Variants in FBXL15 observed in about 807,000 individuals in gnomAD.
FBXL15 encodes the protein F-box/LRR-repeat protein 15.
FBXL15 carries 19 observed loss-of-function variants against 23.6 expected under a neutral mutation model. The ratio of observed to expected loss-of-function variants is 0.81; its 90% confidence interval spans 0.56 to 1.18. FBXL15 has a LOEUF of 1.18. Among genes scored for constraint, FBXL15 ranks in the 50% most tolerant of loss-of-function variants. The pLI is 0.00. For synonymous variants in FBXL15, 224 were observed against 207.7 expected, an observed-to-expected ratio of 1.08 and a Z score of -0.67; for missense variants, 385 against 425.4, an observed-to-expected ratio of 0.91 and a Z score of 0.83.
Position 102,421,363 on chromosome 10 carries a change from C to A in FBXL15, c.63C>A (p.Asp21Glu). The change falls in exon 2 of 4, where the codon GAC (aspartate) becomes GAA (glutamate). Residue 21 changes from aspartate to glutamate, a missense_variant. This residue lies in a region of FBXL15 where 130 missense variants were observed against 95.1 expected (regional missense o/e 1.37). Transcript: ENST00000369956. ...EQEPGAVRFL[D>E]LPWEDVLLPH... Reference sequence around the variant, plus strand: ...GCCCCTTTACTCGCAGGTTCCTGGACCTGCCCTGGGAAGACGTGCTGCTCC... The same window carrying A: ...GCCCCTTTACTCGCAGGTTCCTGGAACTGCCCTGGGAAGACGTGCTGCTCC... The A allele has an allele frequency of 6.4e-7, 1 of 1,558,554 alleles. No individual in the cohort carries two copies. Among genetic ancestry groups the A allele is most frequent in the Non-Finnish European group, 8.7e-7 (1 of 1,152,438 alleles).
At chr10:102,422,366 A>T (rs1455484046) in intron 3 of FBXL15, 74 bp downstream of exon 3, 1 of 1,410,136 alleles carries the variant, frequency 7.1e-7, no homozygotes, top group Non-Finnish European at 9.2e-7. Context: ...TGTAGTTGTT[A>T]AAAGGCCGGA....
chr10:102,421,935 T>C lies in FBXL15; in HGVS notation c.356T>C (p.Val119Ala). 6.2e-7 allele frequency: 1 copy of C among 1,604,264 alleles called. No homozygotes were observed. Among genetic ancestry groups the C allele is most frequent in the Non-Finnish European group, 8.5e-7 (1 of 1,179,060 alleles). Residue 119 changes from valine to alanine, a missense_variant, in exon 3 of 4, where the codon GTG becomes GCG. Val to Ala is a moderately conservative substitution (Grantham distance 64). Transcript: ENST00000369956. ...GCGCGGAATCCGCAGCTGCGGAGTGTGGCGTTGGGCGGCTGCGGGCAACTG... is the reference window on the plus strand; with the variant it reads ...GCGCGGAATCCGCAGCTGCGGAGTGCGGCGTTGGGCGGCTGCGGGCAACTG... Reference protein sequence around the residue: ...VLARNPQLRSVALGGCGQLSR... With the variant: ...VLARNPQLRSAALGGCGQLSR...
In FBXL15 at chr10:102,421,779, G is replaced by T. The variant is rs944845825; in HGVS notation, c.208-8G>T. On this transcript the variant is annotated splice_region_variant and splice_polypyrimidine_tract_variant and intron_variant, in intron 2 of 3. Coordinates refer to ENST00000369956, the MANE Select transcript of FBXL15 (RefSeq NM_024326.4). The stretch of plus-strand genomic sequence containing the variant: ...GGGCTGAGAGTTGGGGTGCCTCCCC[G>T]CCCGCAGGTGGGTCCGCAGATCCCG... The T allele has an allele frequency of 1.9e-6, 3 of 1,541,272 alleles. No homozygotes were observed. Among genetic ancestry groups the T allele is most frequent in the Non-Finnish European group, 2.6e-6 (3 of 1,149,120 alleles).
Position 102,422,262 on chromosome 10 carries a change from G to A in FBXL15, c.683G>A (p.Gly228Asp). Residue 228 changes from glycine (G) to aspartate (D), a missense_variant, in exon 3 of 4, where the codon GGC (glycine) becomes GAC (aspartate). Gly to Asp is a moderately conservative substitution (Grantham distance 94). Around this residue, in one of 2 missense-constraint regions of FBXL15, gnomAD observed 255 missense variants for 330.2 expected, o/e 0.77. Transcript: ENST00000369956. Reference protein sequence around the residue: ...CPELHHLDLTGCLRVGSDGVR... With the variant: ...CPELHHLDLTDCLRVGSDGVR... The stretch of plus-strand genomic sequence containing the variant: ...GAACTCCACCACCTTGACCTCACCG[G>A]CTGCCTCCGCGTCGGAAGCGACGGT... 1.3e-6 allele frequency: 2 copies of A among 1,494,132 alleles called. No individual in the cohort carries two copies. The highest frequency in any genetic ancestry group is 1.8e-6 in the Non-Finnish European group (2 of 1,122,624). 92.6% of individuals were successfully genotyped at this position (1,494,132 alleles called of 1,614,324 possible). A position where few individuals can be genotyped will look rare whatever the true frequency, so the allele number is the denominator to read the frequency against.
chr10:102,422,198 G>A lies in FBXL15; in HGVS notation c.619G>A (p.Gly207Arg). 2.0e-6 allele frequency: 3 copies of A among 1,534,986 alleles called. No homozygotes were observed. Among genetic ancestry groups the A allele is most frequent in the Non-Finnish European group, 2.6e-6 (3 of 1,139,780 alleles). Residue 207 changes from glycine to arginine, a missense_variant, in exon 3 of 4, where the codon GGG (glycine) becomes AGG (arginine). Physicochemically the swap from Gly to Arg is moderately radical, Grantham distance 125. Around this residue, in one of 2 missense-constraint regions of FBXL15, gnomAD observed 255 missense variants for 330.2 expected, o/e 0.77. Coordinates refer to ENST00000369956, the MANE Select transcript of FBXL15 (RefSeq NM_024326.4). ...SLSLAVNANV[G>R]DAAVQELARN... The stretch of plus-strand genomic sequence containing the variant: ...CTCTCTGGCCGTCAACGCCAACGTG[G>A]GGGACGCCGCGGTTCAAGAGTTGGC...
Position 102,422,286 on chromosome 10 carries a change from G to T in FBXL15, c.707G>T (p.Gly236Val). The part of the protein sequence containing the change: ...LTGCLRVGSD[G>V]VRTLAEYCPV... ...GGCTGCCTCCGCGTCGGAAGCGACGGTGTCAGGTGCCTGGGCCTGATAGGG... is the reference window on the plus strand; with the variant it reads ...GGCTGCCTCCGCGTCGGAAGCGACGTTGTCAGGTGCCTGGGCCTGATAGGG... Residue 236 changes from glycine to valine, a missense_variant, in exon 3 of 4, where the codon GGT (glycine) becomes GTT (valine). Gly to Val is a moderately radical substitution (Grantham distance 109). Transcript: ENST00000369956. 1 of 1,497,834 alleles carries T rather than the reference G, an allele frequency of 6.7e-7. No individual in the cohort carries two copies. The highest frequency in any genetic ancestry group is 8.9e-7 in the Non-Finnish European group (1 of 1,124,204). The allele number at this position is 1,497,834 out of a possible 1,614,324, so 92.8% of individuals were successfully genotyped here. A position where few individuals can be genotyped will look rare whatever the true frequency, so the allele number is the denominator to read the frequency against.
rs1285668996 is a variant in FBXL15 at position 102,421,128 on chromosome 10, C to T, written c.-2C>T. 1.2e-6 allele frequency: 2 copies of T among 1,608,838 alleles called. No individual in the cohort carries two copies. The highest frequency in any genetic ancestry group is 1.7e-5 in the Admixed American group (1 of 59,414). On this transcript the variant is annotated 5_prime_UTR_variant, in exon 1 of 4. Transcript: ENST00000369956. ...TTACTGCGCACGCGCAATAGACAGC[C>T]GATGGAGCCACCGATGGAGCCGTCC...
In FBXL15 at chr10:102,420,972, C is replaced by G; in HGVS notation, c.-158C>G. 3 of 1,518,644 alleles carry G rather than the reference C, an allele frequency of 2.0e-6. No homozygotes were observed. The highest frequency in any genetic ancestry group is 2.7e-6 in the Non-Finnish European group (3 of 1,130,306). 94.1% of individuals were successfully genotyped at this position (1,518,644 alleles called of 1,614,324 possible). ...TTACACCACCGGTCTGTTCCGCCTC[C>G]GTTTCGGGGTCCACCCGAAAAGCTT... On this transcript the variant is annotated 5_prime_UTR_variant, in exon 1 of 4. Transcript: ENST00000369956.
At chr10:102,421,572 C>T (rs1277223601) in intron 2 of FBXL15, 65 bp downstream of exon 2, 22 of 1,436,194 alleles carry the variant, frequency 1.5e-5, no homozygotes, top group Non-Finnish European at 1.8e-5. Flanking sequence ...CAGCCCCCAG[C>T]CCCGCAGTAT....
chr10:102,421,779 G>C lies in FBXL15; in HGVS notation c.208-8G>C. The C allele has an allele frequency of 1.9e-6, 3 of 1,541,390 alleles. No homozygotes were observed. The highest frequency in any genetic ancestry group is 2.6e-6 in the Non-Finnish European group (3 of 1,149,112). On this transcript the variant is annotated splice_region_variant and splice_polypyrimidine_tract_variant and intron_variant, in intron 2 of 3. Transcript: ENST00000369956. ...GGGCTGAGAGTTGGGGTGCCTCCCCGCCCGCAGGTGGGTCCGCAGATCCCG... is the reference window on the plus strand; with the variant it reads ...GGGCTGAGAGTTGGGGTGCCTCCCCCCCCGCAGGTGGGTCCGCAGATCCCG...
intron 2 of FBXL15, 125 bp from the exon 3 acceptor site, chr10:102,421,662 C>G (rs2061566130): frequency 4.9e-6 from 7 of 1,436,740 alleles, no homozygotes; most frequent in Non-Finnish European, 6.4e-6. Flanking sequence ...GGTAGCGACT[C>G]AGAGGGAAAG....
intron 1 of FBXL15, 30 bp downstream of exon 1, chr10:102,421,212 A>G (rs895465426): frequency 3.1e-6 from 5 of 1,600,972 alleles, no homozygotes; most frequent in Admixed American, 3.4e-5. Flanking sequence ...CCGAGAGGGA[A>G]GAGGAACCTG....
In FBXL15 at chr10:102,421,173, G is replaced by A. The variant is rs766499619; in HGVS notation, c.44G>A (p.Gly15Glu). ...CCGTCCGGAGGGGAGCAAGAGCCCG[G>A]AGCCGTCAGGTACCGAGCACCGGAG... ...MEPSGGEQEP[G>E]AVRFLDLPWE... The change falls in exon 1 of 4, where the codon GGA (glycine) becomes GAA (glutamate). Residue 15 changes from glycine to glutamate, a missense_variant. Coordinates refer to ENST00000369956, the MANE Select transcript of FBXL15 (RefSeq NM_024326.4). 3.4e-5 allele frequency: 54 copies of A among 1,610,700 alleles called. No individual in the cohort carries two copies. The highest frequency in any genetic ancestry group is 4.5e-5 in the Non-Finnish European group (53 of 1,178,666).
rs1565235794 is a variant in FBXL15 at position 102,422,937 on chromosome 10, C to CT, written c.848dup (p.Val284GlyfsTer34). 1 of 1,606,772 alleles carries CT rather than the reference C, an allele frequency of 6.2e-7. No homozygotes were observed. The stretch of plus-strand genomic sequence containing the variant: ...CGTGGAGCCGCCGCTGCACCAGGCC[C>CT]TGGTGCTGCTGCAGGATATGGCGGG... On this transcript the variant is annotated frameshift_variant, in exon 4 of 4. Transcript: ENST00000369956. LOFTEE classifies it high-confidence loss of function.
At position 102,420,924 on chromosome 10, in the gene FBXL15, A is replaced by G; in HGVS notation, c.-206A>G. The G allele has an allele frequency of 6.9e-7, 1 of 1,443,414 alleles. No homozygotes were observed. The highest frequency in any genetic ancestry group is 9.1e-7 in the Non-Finnish European group (1 of 1,096,486). The allele number at this position is 1,443,414 out of a possible 1,614,324, so 89.4% of individuals were successfully genotyped here. A position where few individuals can be genotyped will look rare whatever the true frequency, so the allele number is the denominator to read the frequency against. On this transcript the variant is annotated 5_prime_UTR_variant, in exon 1 of 4. It removes the in-frame stop codon of an upstream open reading frame in the 5' UTR. Coordinates refer to ENST00000369956, the MANE Select transcript of FBXL15 (RefSeq NM_024326.4). ...TCCAGCTTCAGGCCTCAAGCCCTGT[A>G]GCCGAGAAGGCGAGGCCTAATGTTA...
Position 102,421,500 on chromosome 10 carries a change from C to T in FBXL15, c.200C>T (p.Ala67Val). 1 of 1,472,468 alleles carries T rather than the reference C, an allele frequency of 6.8e-7. No individual in the cohort carries two copies. Among genetic ancestry groups the T allele is most frequent in the Non-Finnish European group, 9.0e-7 (1 of 1,113,418 alleles). 91.2% of individuals were successfully genotyped at this position (1,472,468 alleles called of 1,614,324 possible). Residue 67 changes from alanine to valine, a missense_variant, in exon 2 of 4, where the codon GCC becomes GTC. Coordinates refer to ENST00000369956, the MANE Select transcript of FBXL15 (RefSeq NM_024326.4). Reference sequence around the variant, plus strand: ...CTGGCCGGGCTGCGTCGCTTCGATGCCGCGCAGGTGAGCCGGGGGCTGAAG... The same window carrying T: ...CTGGCCGGGCTGCGTCGCTTCGATGTCGCGCAGGTGAGCCGGGGGCTGAAG... Reference protein sequence around the residue: ...LHLAGLRRFDAAQVGPQIPRA... With the variant: ...LHLAGLRRFDVAQVGPQIPRA...
Position 102,422,895 on chromosome 10 carries a change from C to A in FBXL15, c.805C>A (p.Arg269Ser). 1 of 1,609,198 alleles carries A rather than the reference C, an allele frequency of 6.2e-7. No homozygotes were observed. Among genetic ancestry groups the A allele is most frequent in the Non-Finnish European group, 8.5e-7 (1 of 1,178,550 alleles). The part of the protein sequence containing the change: ...AESSLSRLRK[R>S]GVDIDVEPPL... ...GTCCAGCCTGAGCCGCTTGCGGAAG[C>A]GCGGCGTGGACATCGACGTGGAGCC... Residue 269 changes from arginine to serine, a missense_variant, in exon 4 of 4, where the codon CGC becomes AGC. By Grantham distance (110) the Arg-to-Ser change is moderately radical. Around this residue, in one of 2 missense-constraint regions of FBXL15, gnomAD observed 255 missense variants for 330.2 expected, o/e 0.77. Coordinates refer to ENST00000369956, the MANE Select transcript of FBXL15 (RefSeq NM_024326.4).
At chr10:102,421,318 C>T (rs2061559741) in intron 1 of FBXL15, 36 bp from the exon 2 acceptor site, 2 of 1,552,502 alleles carry the variant, frequency 1.3e-6, no homozygotes, top group Non-Finnish European at 1.7e-6. Flanking sequence ...TAATAGTGGC[C>T]CCGGGACGCC....
Position 102,422,172 on chromosome 10 carries a change from T to G in FBXL15, c.593T>G (p.Leu198Arg). Residue 198 changes from leucine to arginine, a missense_variant, in exon 3 of 4, where the codon CTC (leucine) becomes CGC (arginine). Physicochemically the swap from Leu to Arg is moderately radical, Grantham distance 102. Transcript: ENST00000369956. Reference protein sequence around the residue: ...AQRRGAGLRSLSLAVNANVGD... With the variant: ...AQRRGAGLRSRSLAVNANVGD... The stretch of plus-strand genomic sequence containing the variant: ...AGGCGCGGCGCTGGTCTCCGCAGCC[T>G]CTCTCTGGCCGTCAACGCCAACGTG... 1 of 1,544,772 alleles carries G rather than the reference T, an allele frequency of 6.5e-7. No individual in the cohort carries two copies. The highest frequency in any genetic ancestry group is 8.7e-7 in the Non-Finnish European group (1 of 1,144,592).
Sources: allele counts gnomAD v4.1 joint callset, GRCh38; gene constraint gnomAD v4.1.1; regional missense constraint gnomAD v4.1.1; transcripts MANE v1.5; gene names NCBI Gene and HGNC (gene_info 2026-07-23, HGNC 2026-07-21).